Variants in SLC25A12 observed in about 807,000 individuals in gnomAD.
The protein encoded by SLC25A12 is solute carrier family 25 member 12.
A neutral mutation model predicts 83.3 loss-of-function variants in SLC25A12; 32 were observed. The observed-to-expected ratio is 0.38, with a 90% CI of 0.29 to 0.52. The LOEUF (loss-of-function observed/expected upper bound fraction) is 0.52. Among genes scored for constraint, SLC25A12 ranks in the 20% least tolerant of loss-of-function variants. SLC25A12 has a pLI of 0.84. For missense variants in SLC25A12, 611 were observed against 835.6 expected (o/e 0.73, Z 3.31); for synonymous variants, 267 against 291.1 (o/e 0.92, Z 0.84).
chr2:171,793,123 G>GTT (rs79549051), intron 14 of SLC25A12, among the ~76,000 whole-genome samples: 27 of 129,660 alleles, frequency 2.1e-4, no homozygotes, highest in African/African-American at 4.5e-4. Flanking sequence ...TTGTTGGTTT[G>GTT]TTTTTTTTTT....
intron 9 of SLC25A12, among the ~76,000 whole-genome samples, chr2:171,823,007 T>C (rs1286326695): frequency 6.6e-6 from 1 of 152,214 alleles, no homozygotes; most frequent in Non-Finnish European, 1.5e-5. Flanking sequence ...GGAAGTAACA[T>C]GGGAATAGTT....
chr2:171,819,863 G>C (rs1043692608), intron 9 of SLC25A12, among the ~76,000 whole-genome samples: 1 of 152,054 alleles, frequency 6.6e-6, no homozygotes, highest in Admixed American at 6.6e-5. Flanking sequence ...ACAAAATAAA[G>C]ATAAAAGTAA....
At chr2:171,787,718 A>T in intron 16 of SLC25A12, 57 bp from the exon 17 acceptor site, 1 of 1,607,832 alleles carries the variant, frequency 6.2e-7, no homozygotes, top group South Asian at 1.1e-5. Context: ...TGTGGTAAAG[A>T]TAGCCACTGA....
At chr2:171,848,793 AG>A (rs1458752357) in intron 4 of SLC25A12, among the ~76,000 whole-genome samples, 2 of 152,230 alleles carry the variant, frequency 1.3e-5, no homozygotes, top group African/African-American at 4.8e-5. Flanking sequence ...TATTTCTATT[AG>A]CCCTTTACCT....
chr2:171,815,022 A>G (rs1558916672), intron 10 of SLC25A12, 99 bp downstream of exon 10: 4 of 959,850 alleles, frequency 4.2e-6, no homozygotes, highest in East Asian at 4.8e-5. Context: ...GTCGTGACCC[A>G]TGGGAACAAT....
Position 171,833,883 on chromosome 2 carries a change from A to G in SLC25A12, c.845+80T>C, listed in dbSNP as rs182495187. ...ATACATGGAAAAAACTCATGTTAGAATGAACTAAAAGGACACCACTGCTTC... is the reference window on the plus strand; with the variant it reads ...ATACATGGAAAAAACTCATGTTAGAGTGAACTAAAAGGACACCACTGCTTC... On this transcript the variant is annotated intron_variant, in intron 8 of 17. Coordinates refer to ENST00000422440, the MANE Select transcript of SLC25A12 (RefSeq NM_003705.5). The G allele has an allele frequency of 1.5e-4, 126 of 842,692 alleles. No homozygotes were observed. In the African/African-American group the frequency reaches 1.6e-3, roughly 11 times the overall value. The allele number at this position is 842,692 out of a possible 1,614,324, so 52.2% of individuals were successfully genotyped here.
chr2:171,800,252 T>C (rs1420592817), intron 13 of SLC25A12, among the ~76,000 whole-genome samples: 1 of 152,058 alleles, frequency 6.6e-6, no homozygotes, highest in Admixed American at 6.6e-5. Flanking sequence ...CCATGATGTA[T>C]AAACAACTTT....
At chr2:171,806,910 C>T (rs895591456) in intron 13 of SLC25A12, among the ~76,000 whole-genome samples, 2 of 152,190 alleles carry the variant, frequency 1.3e-5, no homozygotes, top group African/African-American at 2.4e-5. Flanking sequence ...CAGACAGCCA[C>T]TCTTCACAGT....
chr2:171,885,173 T>C (rs1456659773), intron 2 of SLC25A12, among the ~76,000 whole-genome samples: 1 of 120,484 alleles, frequency 8.3e-6, no homozygotes, highest in Non-Finnish European at 1.7e-5. Flanking sequence ...AGAGACTCCG[T>C]CTCAAAAAAA....
Position 171,836,460 on chromosome 2 carries a change from G to C in SLC25A12, c.612+661C>G, listed in dbSNP as rs567113048. Among the ~76,000 whole-genome samples, 80 of 152,316 alleles carry C rather than the reference G, an allele frequency of 5.3e-4. 2 individuals are homozygous for C. Among genetic ancestry groups the C allele is most frequent in the Admixed American group, 5.0e-3 (77 of 15,302 alleles). ...TATTGGTCCAGATGATTACTTTATA[G>C]AGATTAGCAGTTTGACAGAACAAAA... On this transcript the variant is annotated intron_variant, in intron 6 of 17. Coordinates refer to ENST00000422440, the MANE Select transcript of SLC25A12 (RefSeq NM_003705.5).
Position 171,785,139 on chromosome 2 carries a change from T to C in SLC25A12, c.*135A>G. 1 of 776,062 alleles carries C rather than the reference T, an allele frequency of 1.3e-6. No homozygotes were observed. The highest frequency in any genetic ancestry group is 1.5e-5 in the South Asian group (1 of 68,184). 48.1% of individuals were successfully genotyped at this position (776,062 alleles called of 1,614,324 possible). On this transcript the variant is annotated 3_prime_UTR_variant, in exon 18 of 18. Coordinates refer to ENST00000422440, the MANE Select transcript of SLC25A12 (RefSeq NM_003705.5). Reference sequence around the variant, plus strand: ...TGATTATTTTATAAACAAGTATATGTATATGTCATACAGAAAGAAGAGTTT... The same window carrying C: ...TGATTATTTTATAAACAAGTATATGCATATGTCATACAGAAAGAAGAGTTT...
intron 1 of SLC25A12, 73 bp downstream of exon 1, chr2:171,894,130 A>C: frequency 1.3e-6 from 2 of 1,548,348 alleles, no homozygotes; most frequent in Non-Finnish European, 1.8e-6. Context: ...AATGGGAAGC[A>C]GTGGGGGGCT....
intron 13 of SLC25A12, among the ~76,000 whole-genome samples, chr2:171,802,644 C>T (rs935300435): frequency 8.5e-5 from 13 of 152,126 alleles, no homozygotes; most frequent in Admixed American, 6.5e-5. Context: ...GGCCTGGTGG[C>T]GGGTGCCTGT....
At chr2:171,829,749 G>A (rs534752035) in intron 8 of SLC25A12, among the ~76,000 whole-genome samples, 10 of 152,208 alleles carry the variant, frequency 6.6e-5, no homozygotes, top group East Asian at 1.9e-4. Flanking sequence ...ATAGAGAGAC[G>A]TTCAATTCAT....
At chr2:171,842,953 C>T (rs1033873284) in intron 5 of SLC25A12, among the ~76,000 whole-genome samples, 1 of 152,160 alleles carries the variant, frequency 6.6e-6, no homozygotes, top group South Asian at 2.1e-4. Flanking sequence ...TCTCCAGTAG[C>T]TGGGATTATG....
chr2:171,811,803 G>A (rs1683950635), intron 11 of SLC25A12, among the ~76,000 whole-genome samples: 1 of 152,124 alleles, frequency 6.6e-6, no homozygotes, highest in South Asian at 2.1e-4. Context: ...TCTATCCATT[G>A]AGAAGGCTAA....
intron 2 of SLC25A12, among the ~76,000 whole-genome samples, chr2:171,879,910 TC>T (rs1242617796): frequency 6.6e-6 from 1 of 152,162 alleles, no homozygotes; most frequent in African/African-American, 2.4e-5. Flanking sequence ...CTAGCTTGGA[TC>T]CTGCTTTTTA....
chr2:171,796,172 G>T (rs532213312), intron 13 of SLC25A12, among the ~76,000 whole-genome samples: 4 of 152,292 alleles, frequency 2.6e-5, no homozygotes, highest in Non-Finnish European at 5.9e-5. Context: ...ATCTCGAACT[G>T]CTAGGCTCAA....
intron 3 of SLC25A12, among the ~76,000 whole-genome samples, chr2:171,861,531 T>C (rs1457172186): frequency 1.3e-5 from 2 of 152,196 alleles, no homozygotes; most frequent in Non-Finnish European, 2.9e-5. Flanking sequence ...CTCAGCCTCC[T>C]GAGTAGCTGG....
Sources: gnomAD v4.1 joint callset for allele counts (sites outside exome capture counted in the v4.1 genomes callset) on GRCh38, gnomAD v4.1.1 for gene constraint, MANE v1.5 for transcripts, NCBI Gene and HGNC (gene_info 2026-07-23, HGNC 2026-07-21) for gene names.